Variants in RNLS observed in about 807,000 individuals in gnomAD.
The protein encoded by RNLS is renalase, FAD dependent amine oxidase.
A neutral mutation model predicts 39.8 loss-of-function variants in RNLS; 39 were observed. That is an observed-to-expected ratio of 0.98 (90% CI 0.76 to 1.28). The LOEUF is 1.28. RNLS is among the 50% of genes most tolerant of loss of function. The probability of loss-of-function intolerance (pLI) is 0.00; values close to 1 mark genes in which losing one functional copy is unlikely to be tolerated. For synonymous variants in RNLS, 147 were observed against 150.7 expected, an observed-to-expected ratio of 0.98 and a Z score of 0.18; for missense variants, 410 against 413.3, an observed-to-expected ratio of 0.99 and a Z score of 0.07.
intron 6 of RNLS, among the ~76,000 whole-genome samples, chr10:88,305,426 C>T (rs1045709536): frequency 6.6e-6 from 1 of 152,152 alleles, no homozygotes; most frequent in Non-Finnish European, 1.5e-5. Context: ...AACCAAAACC[C>T]ATTATGCTGT....
chr10:88,455,532 G>A (rs980226478), intron 4 of RNLS, among the ~76,000 whole-genome samples: 5 of 151,928 alleles, frequency 3.3e-5, no homozygotes, highest in African/African-American at 1.2e-4. Flanking sequence ...TCAGCCTCCC[G>A]AGTAGCTGGG....
At chr10:88,228,400 C>A in the RNLS span, among the ~76,000 whole-genome samples, 1 of 152,212 alleles carries the variant, frequency 6.6e-6, no homozygotes, top group East Asian at 1.9e-4. Context: ...AGGGATGAAT[C>A]TGGCACAGGC....
At chr10:88,435,889 G>A (rs532794334) in intron 4 of RNLS, among the ~76,000 whole-genome samples, 86 of 152,004 alleles carry the variant, frequency 5.7e-4, no homozygotes, top group African/African-American at 2.0e-3. Context: ...CTCCATTCCT[G>A]GTTACTAATG....
intron 4 of RNLS, among the ~76,000 whole-genome samples, chr10:88,381,994 A>G (rs906249339): frequency 5.9e-5 from 9 of 152,102 alleles, no homozygotes; most frequent in Non-Finnish European, 1.0e-4. Context: ...TTTCTTTCAT[A>G]TATATATCTA....
intron 4 of RNLS, among the ~76,000 whole-genome samples, chr10:88,377,835 T>C (rs1851139986): frequency 1.3e-5 from 2 of 152,198 alleles, no homozygotes; most frequent in South Asian, 4.1e-4. Flanking sequence ...AAATTAATCT[T>C]AGCTTCCTTA....
intron 4 of RNLS, among the ~76,000 whole-genome samples, chr10:88,496,375 A>C (rs145435419): frequency 6.6e-6 from 1 of 152,262 alleles, no homozygotes; most frequent in Non-Finnish European, 1.5e-5. Flanking sequence ...GCAAATGCTA[A>C]ACCCAGTGCA....
the RNLS span, among the ~76,000 whole-genome samples, chr10:88,229,092 T>C: frequency 6.6e-6 from 1 of 152,292 alleles, no homozygotes; most frequent in South Asian, 2.1e-4. Context: ...ACATTACACT[T>C]CCACTTTTAA....
chr10:88,514,581 C>T (rs1250124644), intron 4 of RNLS, among the ~76,000 whole-genome samples: 6 of 152,038 alleles, frequency 3.9e-5, no homozygotes. Flanking sequence ...CTTCCTGTCC[C>T]CAACCCTTGG....
intron 3 of RNLS, among the ~76,000 whole-genome samples, chr10:88,577,414 G>C (rs1314749725): frequency 1.3e-5 from 2 of 152,162 alleles, no homozygotes; most frequent in African/African-American, 4.8e-5. Flanking sequence ...AGGCACTTCA[G>C]TTCTGTTACC....
At chr10:88,389,910 T>C (rs1042860152) in intron 4 of RNLS, among the ~76,000 whole-genome samples, 1 of 152,168 alleles carries the variant, frequency 6.6e-6, no homozygotes, top group African/African-American at 2.4e-5. Flanking sequence ...AGCCACAGCA[T>C]TTCATATCAT....
intron 4 of RNLS, among the ~76,000 whole-genome samples, chr10:88,429,138 C>A (rs1262109013): frequency 1.3e-5 from 2 of 151,856 alleles, no homozygotes; most frequent in Non-Finnish European, 2.9e-5. Flanking sequence ...AGAAAAACAA[C>A]CAGGCTCTGA....
At position 88,581,660 on chromosome 10, in the gene RNLS, G is replaced by C; in HGVS notation, c.274C>G (p.Pro92Ala). The C allele has an allele frequency of 6.2e-7, 1 of 1,601,666 alleles. No individual in the cohort carries two copies. Among genetic ancestry groups the C allele is most frequent in the Non-Finnish European group, 8.5e-7 (1 of 1,174,104 alleles). The change falls in exon 3 of 7, where the codon CCT becomes GCT. Residue 92 changes from proline (P) to alanine (A), a missense_variant. Physicochemically the swap from Pro to Ala is conservative, Grantham distance 27 (BLOSUM62 -1). Transcript: ENST00000331772. ...AYGVLRPLSS[P>A]IEGMVMKEGD... Reference sequence around the variant, plus strand: ...TCTTTCATCACCATTCCTTCAATAGGCGAGCTTAGAGGCCTCAAAACGCCA... The same window carrying C: ...TCTTTCATCACCATTCCTTCAATAGCCGAGCTTAGAGGCCTCAAAACGCCA...
chr10:88,326,286 T>C (rs1846602587), intron 5 of RNLS, among the ~76,000 whole-genome samples: 2 of 152,160 alleles, frequency 1.3e-5, no homozygotes, highest in African/African-American at 4.8e-5. Context: ...TCCTAGAGAC[T>C]TGTTGAATGG....
chr10:88,423,864 A>G (rs375714210), intron 4 of RNLS, among the ~76,000 whole-genome samples: 1 of 152,164 alleles, frequency 6.6e-6, no homozygotes, highest in Non-Finnish European at 1.5e-5. Context: ...GCAATCCACT[A>G]CAGAATGTTG....
At chr10:88,307,947 C>A (rs1052908934) in intron 6 of RNLS, among the ~76,000 whole-genome samples, 1 of 152,038 alleles carries the variant, frequency 6.6e-6, no homozygotes, top group Non-Finnish European at 1.5e-5. Context: ...ACACATAGCC[C>A]AATGGAACAG....
chr10:88,439,904 G>A (rs1041092677), intron 4 of RNLS, among the ~76,000 whole-genome samples: 1 of 152,244 alleles, frequency 6.6e-6, no homozygotes, highest in South Asian at 2.1e-4. Context: ...GTCATTTCCT[G>A]TCTGAAATCT....
chr10:88,394,207 C>A (rs1174654473), intron 4 of RNLS, among the ~76,000 whole-genome samples: 2 of 152,110 alleles, frequency 1.3e-5, no homozygotes, highest in Admixed American at 6.6e-5. Flanking sequence ...TCTAATTAAA[C>A]TAAAGAACTT....
chr10:88,462,677 A>G (rs530475803), intron 4 of RNLS, among the ~76,000 whole-genome samples: 1 of 152,166 alleles, frequency 6.6e-6, no homozygotes, highest in South Asian at 2.1e-4. Flanking sequence ...ATATTGTGGA[A>G]GCAGAGAAAA....
At chr10:88,575,684 G>T (rs1850157256) in intron 3 of RNLS, among the ~76,000 whole-genome samples, 1 of 152,008 alleles carries the variant, frequency 6.6e-6, no homozygotes, top group African/African-American at 2.4e-5. Context: ...AAATCTATAA[G>T]CTCTGAAAAA....
Sources: gnomAD v4.1 joint callset for allele counts (sites outside exome capture counted in the v4.1 genomes callset) on GRCh38, gnomAD v4.1.1 for gene constraint, MANE v1.5 for transcripts, NCBI Gene and HGNC (gene_info 2026-07-23, HGNC 2026-07-21) for gene names.